Variants in CAMKV observed in about 807,000 individuals in gnomAD.
CAMKV encodes the protein CaM kinase like vesicle associated.
CAMKV carries 5 observed loss-of-function variants against 50.2 expected under a neutral mutation model. The ratio of observed to expected loss-of-function variants is 0.10; its 90% CI spans 0.05 to 0.21. The LOEUF (loss-of-function observed/expected upper bound fraction) is 0.21, where lower values mean the gene tolerates loss of function less well. Ranked by LOEUF, CAMKV falls within the 10% of genes least tolerant of loss-of-function variation. The probability of loss-of-function intolerance (pLI) is 1.00; values close to 1 mark genes in which losing one functional copy is unlikely to be tolerated. For missense variants in CAMKV, 361 were observed against 650.5 expected (o/e 0.55, Z 4.84); for synonymous variants, 229 against 250.1 (o/e 0.92, Z 0.80).
At position 49,860,611 on chromosome 3, in the gene CAMKV, A is replaced by C. The variant is rs989311961; in HGVS notation, c.776-62T>G. The C allele has an allele frequency of 6.2e-7, 1 of 1,611,310 alleles. No individual in the cohort carries two copies. The highest frequency in any genetic ancestry group is 1.3e-5 in the African/African-American group (1 of 74,972). On this transcript the variant is annotated intron_variant, in intron 8 of 10. Transcript: ENST00000477224. The surrounding 1 kb of genome is among the most constrained non-coding windows in gnomAD (Gnocchi z 6.1). The stretch of plus-strand genomic sequence containing the variant: ...CCCCATCTCAATGTCTAGAGGTGAT[A>C]AATGGGCTGGGGGACAGAAGCAGAA...
At position 49,858,626 on chromosome 3, in the gene CAMKV, C is replaced by T. The variant is rs555434891; in HGVS notation, c.*692G>A. 2.3e-5 allele frequency: 8 copies of T among 353,356 alleles called. No homozygotes were observed. Among genetic ancestry groups the T allele is most frequent in the Non-Finnish European group, 3.0e-5 (6 of 198,162 alleles). 21.9% of individuals were successfully genotyped at this position (353,356 alleles called of 1,614,324 possible). A position where few individuals can be genotyped will look rare whatever the true frequency, so the allele number is the denominator to read the frequency against. ...GTACAGGGCAGCCCACTGCAGGACT[C>T]GGAAAGGCAGGAAATAACACAAATA... On this transcript the variant is annotated 3_prime_UTR_variant, in exon 11 of 11. Coordinates refer to ENST00000477224, the MANE Select transcript of CAMKV (RefSeq NM_024046.5).
At chr3:49,865,301 C>G (rs143544161) in intron 1 of CAMKV, among the ~76,000 whole-genome samples, 145 of 152,264 alleles carry the variant, frequency 9.5e-4, no homozygotes, top group Non-Finnish European at 4.4e-4. Context: ...ACCATAACAG[C>G]TGCAGGAGGG....
Position 49,862,238 on chromosome 3 carries a change from TC to T in CAMKV, c.95+55del, listed in dbSNP as rs1575407386. 1.9e-6 allele frequency: 3 copies of T among 1,614,030 alleles called. No individual in the cohort carries two copies. The East Asian group carries it at 6.7e-5, about 36-fold the overall frequency. On this transcript the variant is annotated intron_variant, in intron 2 of 10. Coordinates refer to ENST00000477224, the MANE Select transcript of CAMKV (RefSeq NM_024046.5). This position sits in a 1 kb window ranked among gnomAD's most constrained non-coding sequence, Gnocchi z 5.2. ...GCATCAGCTGCACTCCACTGCCACT[TC>T]CCTAGCCCCTGCTCACCAGCCCACC...
At chr3:49,866,368 G>A (rs141461873) in intron 1 of CAMKV, among the ~76,000 whole-genome samples, 1 of 152,316 alleles carries the variant, frequency 6.6e-6, no homozygotes, top group Non-Finnish European at 1.5e-5. Flanking sequence ...AGGCCAAGTG[G>A]AAGGGGTTTG....
chr3:49,868,466 T>C (rs1297656882), intron 1 of CAMKV, among the ~76,000 whole-genome samples: 1 of 152,154 alleles, frequency 6.6e-6, no homozygotes, highest in Non-Finnish European at 1.5e-5. Context: ...ATGGAAACCA[T>C]GGAATCTGGC....
chr3:49,865,749 A>G (rs1438018174), intron 1 of CAMKV, among the ~76,000 whole-genome samples: 1 of 152,218 alleles, frequency 6.6e-6, no homozygotes, highest in Non-Finnish European at 1.5e-5. Context: ...AACAATCCTG[A>G]TGCTCGAAGG....
Position 49,862,686 on chromosome 3 carries a change from C to T in CAMKV, c.-14-284G>A, listed in dbSNP as rs775427690. On this transcript the variant is annotated intron_variant, in intron 1 of 10. Transcript: ENST00000477224. This position sits in a 1 kb window ranked among gnomAD's most constrained non-coding sequence, Gnocchi z 5.2. ...GTATTCTATACATTCAAAAAAAAGG[C>T]TTATCAAACAGTTTATTTAAATTTC... is the stretch of plus-strand genomic sequence containing the variant. Among the ~76,000 whole-genome samples, 23 of 152,196 alleles carry T rather than the reference C, an allele frequency of 1.5e-4. No individual in the cohort carries two copies. Among genetic ancestry groups the T allele is most frequent in the Non-Finnish European group, 2.5e-4 (17 of 68,032 alleles).
rs35441946 is a variant in CAMKV, at chr3:49,858,279, G to A, written c.*1039C>T. 0.039 allele frequency: 15,412 copies of A among 398,640 alleles called. 380 individuals carry two copies. Among genetic ancestry groups the A allele is most frequent in the Non-Finnish European group, 0.05 (11,232 of 226,062 alleles). 24.7% of individuals were successfully genotyped at this position (398,640 alleles called of 1,614,324 possible). A position where few individuals can be genotyped will look rare whatever the true frequency, so the allele number is the denominator to read the frequency against. On this transcript the variant is annotated 3_prime_UTR_variant, in exon 11 of 11. Coordinates refer to ENST00000477224, the MANE Select transcript of CAMKV (RefSeq NM_024046.5). Reference sequence around the variant, plus strand: ...AGGCACCTGGGCCTCTGATAGAAGTGAGCTGTAGAAAGAGGGAGTTCCTCT... The same window carrying A: ...AGGCACCTGGGCCTCTGATAGAAGTAAGCTGTAGAAAGAGGGAGTTCCTCT...
chr3:49,859,718 T>C lies in CAMKV; in HGVS notation c.1106A>G (p.Asp369Gly). 1 of 1,604,616 alleles carries C rather than the reference T, an allele frequency of 6.2e-7. No homozygotes were observed. Among genetic ancestry groups the C allele is most frequent in the Non-Finnish European group, 8.5e-7 (1 of 1,174,754 alleles). Residue 369 changes from aspartate to glycine, a missense_variant, in exon 11 of 11, where the codon GAT (aspartate) becomes GGT (glycine). Asp to Gly is a moderately conservative substitution (Grantham distance 94, BLOSUM62 -1). This residue lies in a region of CAMKV where 87 missense variants were observed against 92.0 expected (regional missense o/e 0.95). Coordinates refer to ENST00000477224, the MANE Select transcript of CAMKV (RefSeq NM_024046.5). The surrounding 1 kb of genome is among the most constrained non-coding windows in gnomAD (Gnocchi z 5.5). ...ASGATSAPEG[D>G]AARAAKSDNV... The stretch of plus-strand genomic sequence containing the variant: ...ATCACTCTTTGCAGCACGAGCAGCA[T>C]CACCCTCAGGGGCTGAGGTAGCTCC...
rs1383614749 is a variant in CAMKV at position 49,860,004 on chromosome 3, A to T, written c.943-123T>A. On this transcript the variant is annotated intron_variant, in intron 10 of 10. Coordinates refer to ENST00000477224, the MANE Select transcript of CAMKV (RefSeq NM_024046.5). The surrounding 1 kb of genome is among the most constrained non-coding windows in gnomAD (Gnocchi z 6.1). ...ACCTCCATCCACCCCAGGGCCAAGT[A>T]CTCAGCTGCTCAGCACTCCTACTTA... is the stretch of plus-strand genomic sequence containing the variant. The T allele has an allele frequency of 9.3e-7, 1 of 1,080,502 alleles. No homozygotes were observed. The highest frequency in any genetic ancestry group is 1.6e-5 in the African/African-American group (1 of 63,552). The allele number at this position is 1,080,502 out of a possible 1,614,324, so 66.9% of individuals were successfully genotyped here.
chr3:49,865,803 C>G (rs762458092), intron 1 of CAMKV, among the ~76,000 whole-genome samples: 9 of 152,256 alleles, frequency 5.9e-5, no homozygotes, highest in Admixed American at 4.6e-4. Flanking sequence ...TCCACAACCT[C>G]CATGCCCCAC....
intron 1 of CAMKV, among the ~76,000 whole-genome samples, chr3:49,868,276 C>T (rs965436354): frequency 6.6e-6 from 1 of 152,168 alleles, no homozygotes; most frequent in Non-Finnish European, 1.5e-5. Context: ...CAACCCCTCC[C>T]CCATCTGCTA....
rs781676831 is a variant in CAMKV, at chr3:49,859,542, G to A, written c.1282C>T (p.Pro428Ser). 1.9e-6 allele frequency: 3 copies of A among 1,614,160 alleles called. No individual in the cohort carries two copies. The highest frequency in any genetic ancestry group is 2.5e-6 in the Non-Finnish European group (3 of 1,180,008). ...VTPATDRSAT[P>S]ATDGRATPAT... is the part of the protein sequence containing the mutation. ...GGTGTGGCTCTCCCATCAGTGGCTG[G>A]AGTAGCGCTCCTGTCAGTGGCTGGG... The change falls in exon 11 of 11, where the codon CCA becomes TCA. Residue 428 changes from proline to serine, a missense_variant. By Grantham distance (74) the Pro-to-Ser change is moderately conservative. Around this residue, in one of 4 missense-constraint regions of CAMKV, gnomAD observed 27 missense variants for 59.9 expected, o/e 0.45. Transcript: ENST00000477224. The surrounding 1 kb of genome is among the most constrained non-coding windows in gnomAD (Gnocchi z 5.5).
rs758631880 is a variant in CAMKV, at chr3:49,860,290, G to C, written c.855-32C>G. 20 of 1,603,494 alleles carry C rather than the reference G, an allele frequency of 1.2e-5. 1 individual carries two copies. In the South Asian group the frequency reaches 1.9e-4, roughly 15 times the overall value. On this transcript the variant is annotated intron_variant, in intron 9 of 10. Coordinates refer to ENST00000477224, the MANE Select transcript of CAMKV (RefSeq NM_024046.5). This position sits in a 1 kb window ranked among gnomAD's most constrained non-coding sequence, Gnocchi z 6.1. ...AGGGTGCAAGTGTGTCTGGATCTGAGAGAATGAGCCTTTGTGGAGACTCTG... is the reference window on the plus strand; with the variant it reads ...AGGGTGCAAGTGTGTCTGGATCTGACAGAATGAGCCTTTGTGGAGACTCTG...
intron 1 of CAMKV, among the ~76,000 whole-genome samples, chr3:49,867,332 T>C (rs2108334366): frequency 6.6e-6 from 1 of 152,370 alleles, no homozygotes; most frequent in Admixed American, 6.5e-5. Flanking sequence ...TAGAAGTTCC[T>C]ACAGCTGAAT....
Position 49,859,205 on chromosome 3 carries a change from G to T in CAMKV, c.*113C>A. ...CTAGTTATGCCCCACTGGGATGTGG[G>T]GGCATGGGGGAGCGAGGGCATCATG... is the stretch of plus-strand genomic sequence containing the variant. On this transcript the variant is annotated 3_prime_UTR_variant, in exon 11 of 11. Transcript: ENST00000477224. The surrounding 1 kb of genome is among the most constrained non-coding windows in gnomAD (Gnocchi z 5.5). 1.0e-6 allele frequency: 1 copy of T among 984,324 alleles called. No individual in the cohort carries two copies. The highest frequency in any genetic ancestry group is 1.5e-6 in the Non-Finnish European group (1 of 670,318). 61.0% of individuals were successfully genotyped at this position (984,324 alleles called of 1,614,324 possible).
chr3:49,867,710 C>G (rs1336536598), intron 1 of CAMKV, among the ~76,000 whole-genome samples: 2 of 151,956 alleles, frequency 1.3e-5, no homozygotes, highest in Non-Finnish European at 2.9e-5. Context: ...GACCCAGGTC[C>G]CCATCAAGAA....
rs2082010858 is a variant in CAMKV at position 49,860,413 on chromosome 3, G to A, written c.854+58C>T. On this transcript the variant is annotated intron_variant, in intron 9 of 10. Transcript: ENST00000477224. This position sits in a 1 kb window ranked among gnomAD's most constrained non-coding sequence, Gnocchi z 6.1. The stretch of plus-strand genomic sequence containing the variant: ...CACCCCTTCCAGGCCTCAAAGATGG[G>A]GCTGCTGGGTGTGAGGGGGACCCTG... 1.3e-6 allele frequency: 2 copies of A among 1,588,532 alleles called. 1 individual carries two copies. The highest frequency in any genetic ancestry group is 4.5e-5 in the East Asian group (2 of 44,378).
chr3:49,861,370 C>T lies in CAMKV; in HGVS notation c.441+69G>A. 6.2e-7 allele frequency: 1 copy of T among 1,613,234 alleles called. No homozygotes were observed. Among genetic ancestry groups the T allele is most frequent in the East Asian group, 2.2e-5 (1 of 44,868 alleles). On this transcript the variant is annotated intron_variant, in intron 5 of 10. Transcript: ENST00000477224. The surrounding 1 kb of genome is among the most constrained non-coding windows in gnomAD (Gnocchi z 7.7). The stretch of plus-strand genomic sequence containing the variant: ...GGACCTTGGAGGCTAGACCAAGGCC[C>T]TGAGGTGCTGCCCACCCCAGCACCA...
Sources: gnomAD v4.1 joint callset for allele counts (sites outside exome capture counted in the v4.1 genomes callset) on GRCh38, gnomAD v4.1.1 for gene constraint, gnomAD v4.1.1 regional missense constraint, Gnocchi (gnomAD v3.1) non-coding constraint, MANE v1.5 for transcripts, NCBI Gene and HGNC (gene_info 2026-07-23, HGNC 2026-07-21) for gene names.